Variants in RIPOR2 observed in about 807,000 individuals in gnomAD.
The protein encoded by RIPOR2 is RHO family interacting cell polarization regulator 2, also known as rho family-interacting cell polarization regulator 2.
A neutral mutation model predicts 114.5 loss-of-function variants in RIPOR2; 39 were observed. That is an observed-to-expected ratio of 0.34 (90% CI 0.26 to 0.44). The LOEUF is 0.44. Among genes scored for constraint, RIPOR2 ranks in the 20% least tolerant of loss-of-function variants. The pLI, the probability that RIPOR2 is intolerant of heterozygous loss-of-function variation, is 1.00. For synonymous variants in RIPOR2, 445 were observed against 484.4 expected, an observed-to-expected ratio of 0.92 and a Z score of 1.07; for missense variants, 1,007 against 1,255.1, an observed-to-expected ratio of 0.80 and a Z score of 2.99.
chr6:24,882,071 T>C lies in RIPOR2; in HGVS notation c.62-6254A>G, dbSNP rs116397048. On this transcript the variant is annotated intron_variant, in intron 1 of 21. Transcript: ENST00000643898. ...GATGGGTGATGAAGGACATCTGTCA[T>C]GTGGCAGGCCCATGCAGCAGGCCCT... 7.0e-3 allele frequency among the ~76,000 whole-genome samples: 1,063 copies of C among 152,344 alleles called. 8 individuals carry two copies. Among genetic ancestry groups the C allele is most frequent in the Middle Eastern group, 0.027 (8 of 294 alleles).
At chr6:24,894,021 T>A (rs1017931968) in intron 1 of RIPOR2, among the ~76,000 whole-genome samples, 5 of 152,156 alleles carry the variant, frequency 3.3e-5, no homozygotes, top group African/African-American at 1.2e-4. Context: ...AGAGGACTTC[T>A]CCACCATAGC....
chr6:24,833,943 T>C (rs1760888527), intron 15 of RIPOR2, among the ~76,000 whole-genome samples: 1 of 151,682 alleles, frequency 6.6e-6, no homozygotes, highest in South Asian at 2.1e-4. Context: ...TCTCACAAAA[T>C]AGCTATTATT....
chr6:24,875,593 C>A, intron 2 of RIPOR2, 98 bp downstream of exon 2: 1 of 1,136,670 alleles, frequency 8.8e-7, no homozygotes, highest in Non-Finnish European at 1.2e-6. Flanking sequence ...GGCCGGGGGG[C>A]GGTTTGACAA....
At chr6:24,822,600 C>A (rs1207975463) in intron 19 of RIPOR2, among the ~76,000 whole-genome samples, 2 of 152,156 alleles carry the variant, frequency 1.3e-5, no homozygotes, top group East Asian at 3.8e-4. Flanking sequence ...GTCACTGCAA[C>A]CTTCGCCTCC....
intron 12 of RIPOR2, among the ~76,000 whole-genome samples, chr6:24,844,877 A>G (rs1369358066): frequency 2.0e-5 from 3 of 152,120 alleles, no homozygotes; most frequent in Non-Finnish European, 4.4e-5. Flanking sequence ...AAACTGACAA[A>G]TTCTCAAAAT....
chr6:24,976,778 T>C, intron 1 of RIPOR2: 2 of 1,611,812 alleles, frequency 1.2e-6, no homozygotes, highest in East Asian at 2.2e-5. Context: ...TGAAATCTTG[T>C]CCATGGCAAA....
chr6:24,921,282 C>A (rs1770458097), intron 1 of RIPOR2, among the ~76,000 whole-genome samples: 1 of 151,968 alleles, frequency 6.6e-6, no homozygotes, highest in African/African-American at 2.4e-5. Context: ...CCTGTCTCAG[C>A]CTCCTGAGTA....
In RIPOR2 at chr6:24,835,715, G is replaced by A. The variant is rs1482353825; in HGVS notation, c.2196C>T (p.Thr732=). Reference sequence around the variant, plus strand: ...TCGCTGATCCTACCTGCACGAGTTGGGTGCAGTACTGGAGGTGCCTGACGA... The same window carrying A: ...TCGCTGATCCTACCTGCACGAGTTGAGTGCAGTACTGGAGGTGCCTGACGA... The part of the protein sequence containing the change: ...ITIVRHLQYC[T]QLVQQIVFSS... Residue 732 remains threonine, a synonymous_variant, in exon 15 of 22, where the codon ACC becomes ACT. Transcript: ENST00000643898. 1.3e-6 allele frequency: 2 copies of A among 1,551,564 alleles called. No homozygotes were observed. The highest frequency in any genetic ancestry group is 1.7e-6 in the Non-Finnish European group (2 of 1,146,900).
In RIPOR2 at chr6:24,830,660, T is replaced by A; in HGVS notation, c.2355A>T (p.Glu785Asp). ...NISSVVEAIP[E>D]FHKKLSLLSF... ...ACAGCAAAGACAGCTTTTTGTGAAATTCTGGTATGGCTGGAAAAGAAGAGC... is the reference window on the plus strand; with the variant it reads ...ACAGCAAAGACAGCTTTTTGTGAAAATCTGGTATGGCTGGAAAAGAAGAGC... Residue 785 changes from glutamate (E) to aspartate (D), a missense_variant, in exon 17 of 22, where the codon GAA (glutamate) becomes GAT (aspartate). Transcript: ENST00000643898. The A allele has an allele frequency of 6.4e-7, 1 of 1,550,762 alleles. No homozygotes were observed. Among genetic ancestry groups the A allele is most frequent in the Non-Finnish European group, 8.7e-7 (1 of 1,146,814 alleles).
intron 1 of RIPOR2, among the ~76,000 whole-genome samples, chr6:24,881,250 T>A: frequency 6.6e-6 from 1 of 152,088 alleles, no homozygotes; most frequent in Non-Finnish European, 1.5e-5. Context: ...ATGTTTCCAG[T>A]CTCTAAGTTA....
intron 1 of RIPOR2, among the ~76,000 whole-genome samples, chr6:25,008,754 A>G (rs1409290645): frequency 1.3e-5 from 2 of 152,262 alleles, no homozygotes; most frequent in East Asian, 1.9e-4. Flanking sequence ...TAAAAGTGGT[A>G]GAAATTGGTC....
chr6:24,811,676 C>CTT (rs1781183443), intron 20 of RIPOR2, among the ~76,000 whole-genome samples: 2 of 10,608 alleles, frequency 1.9e-4, no homozygotes, highest in Non-Finnish European at 2.9e-4. Flanking sequence ...TTTTTTTTTT[C>CTT]TTTTTTTTTT....
intron 1 of RIPOR2, among the ~76,000 whole-genome samples, chr6:24,920,410 G>C (rs1770393440): frequency 6.6e-6 from 1 of 152,150 alleles, no homozygotes; most frequent in South Asian, 2.1e-4. Context: ...CTGCTTCCCA[G>C]GACATTAAGC....
chr6:25,036,162 G>A (rs530164002), intron 1 of RIPOR2, among the ~76,000 whole-genome samples: 9 of 152,294 alleles, frequency 5.9e-5, no homozygotes, highest in Non-Finnish European at 7.4e-5. Flanking sequence ...AATGGCCGGC[G>A]AAGCAGAACA....
chr6:24,872,765 T>A, intron 4 of RIPOR2, 116 bp downstream of exon 4: 1 of 671,268 alleles, frequency 1.5e-6, no homozygotes, highest in Non-Finnish European at 2.7e-6. Flanking sequence ...ATGCAGATAG[T>A]ACTCTGCCCC....
intron 16 of RIPOR2, 46 bp from the exon 17 acceptor site, chr6:24,830,716 A>C (rs1760607213): frequency 6.6e-7 from 1 of 1,504,050 alleles, no homozygotes; most frequent in Non-Finnish European, 8.9e-7. Flanking sequence ...ATTTTATTTT[A>C]TTTTATTTTA....
intron 1 of RIPOR2, among the ~76,000 whole-genome samples, chr6:24,992,190 G>A (rs779654402): frequency 1.3e-5 from 2 of 152,154 alleles, no homozygotes; most frequent in African/African-American, 2.4e-5. Flanking sequence ...TACTATAGGA[G>A]GAGATCCTTC....
intron 1 of RIPOR2, among the ~76,000 whole-genome samples, chr6:25,003,515 A>G (rs963211211): frequency 6.6e-6 from 1 of 151,474 alleles, no homozygotes; most frequent in African/African-American, 2.4e-5. Context: ...TGTAGCCTCA[A>G]CCTCCCTGGG....
Position 24,978,493 on chromosome 6 carries a change from T to C in RIPOR2, c.76+63358A>G, listed in dbSNP as rs1353487313. ...GTAAAAGCCAGTTGGCTCAACCAAA[T>C]GGCCAAGAAAAGATGTCCCCTTCTC... On this transcript the variant is annotated intron_variant, in intron 1 of 13. Coordinates refer to the RIPOR2 transcript ENST00000510784. Among the ~76,000 whole-genome samples the C allele has an allele frequency of 4.6e-5, 7 of 152,296 alleles. No individual in the cohort carries two copies. In the East Asian group the frequency reaches 1.2e-3, roughly 25 times the overall value.
Sources: allele counts gnomAD v4.1 joint callset (sites outside exome capture counted in the v4.1 genomes callset), GRCh38; gene constraint gnomAD v4.1.1; transcripts MANE v1.5; gene names NCBI Gene and HGNC (gene_info 2026-07-23, HGNC 2026-07-21).